Variants in CNTNAP3B observed in about 807,000 individuals in gnomAD.
CNTNAP3B encodes the protein contactin associated protein family member 3B.
A neutral mutation model predicts 108.9 loss-of-function variants in CNTNAP3B; 25 were observed. The observed-to-expected ratio is 0.23, with a 90% CI of 0.17 to 0.32. The LOEUF is 0.32. Among genes scored for constraint, CNTNAP3B ranks in the 10% least tolerant of loss-of-function variants. The pLI is 1.00. For missense variants in CNTNAP3B, 252 were observed against 1,210.4 expected, an observed-to-expected ratio of 0.21 and a Z score of 11.75; for synonymous variants, 103 against 473.4, an observed-to-expected ratio of 0.22 and a Z score of 10.16.
At chr9:41,966,845 T>C (rs1319556353) in intron 10 of CNTNAP3B, among the ~76,000 whole-genome samples, 1 of 150,352 alleles carries the variant, frequency 6.7e-6, no homozygotes, top group African/African-American at 2.5e-5. Flanking sequence ...CGGGCGCCTG[T>C]AGTTCCAGCT....
At chr9:41,947,533 G>A (rs1345821715) in intron 13 of CNTNAP3B, among the ~76,000 whole-genome samples, 1 of 152,150 alleles carries the variant, frequency 6.6e-6, no homozygotes, top group Admixed American at 6.6e-5. Flanking sequence ...GTGAAATGTA[G>A]GTAAAACTGT....
rs190574848 is a variant in CNTNAP3B, at chr9:42,113,906, C to T, written c.86-9167G>A. Among the ~76,000 whole-genome samples, 75 of 138,582 alleles carry T rather than the reference C, an allele frequency of 5.4e-4. 6 individuals are homozygous for T. The highest frequency in any genetic ancestry group is 2.0e-3 in the African/African-American group (69 of 34,946). 90.9% of individuals were successfully genotyped at this position (138,582 alleles called of 152,430 possible). A position where few individuals can be genotyped will look rare whatever the true frequency, so the allele number is the denominator to read the frequency against. The stretch of plus-strand genomic sequence containing the variant: ...CCTGTATCAAAACATCTCATGTAGA[C>T]CATCGATATATACACCTACTATGCA... On this transcript the variant is annotated intron_variant, in intron 1 of 23. Transcript: ENST00000377561.
At chr9:41,958,171 G>A (rs1754759020) in intron 12 of CNTNAP3B, among the ~76,000 whole-genome samples, 1 of 152,058 alleles carries the variant, frequency 6.6e-6, no homozygotes, top group Non-Finnish European at 1.5e-5. Context: ...GCAGTGGTGT[G>A]ACCATGGCTC....
At chr9:41,965,303 C>T (rs1187723900) in intron 10 of CNTNAP3B, among the ~76,000 whole-genome samples, 1 of 152,178 alleles carries the variant, frequency 6.6e-6, no homozygotes, top group Admixed American at 6.5e-5. Context: ...GGACCCTGAA[C>T]CAGCCAATGT....
At chr9:41,924,656 C>CAT (rs1351980892) in intron 15 of CNTNAP3B, among the ~76,000 whole-genome samples, 231 of 28,952 alleles carry the variant, frequency 8.0e-3, no homozygotes, top group African/African-American at 0.015. Context: ...CACACACACA[C>CAT]ACACACACAC....
At chr9:41,935,514 A>G (rs1411271744) in intron 14 of CNTNAP3B, among the ~76,000 whole-genome samples, 2 of 152,296 alleles carry the variant, frequency 1.3e-5, no homozygotes, top group Non-Finnish European at 2.9e-5. Flanking sequence ...AATTATTACA[A>G]TTATAAATCT....
chr9:41,945,316 C>CAT (rs1824496011), intron 13 of CNTNAP3B, among the ~76,000 whole-genome samples: 1 of 152,302 alleles, frequency 6.6e-6, no homozygotes, highest in Non-Finnish European at 1.5e-5. Context: ...CACATGCACA[C>CAT]ATATGTTTAC....
At chr9:41,951,506 A>C (rs1283398207) in intron 13 of CNTNAP3B, among the ~76,000 whole-genome samples, 4 of 151,992 alleles carry the variant, frequency 2.6e-5, no homozygotes, top group South Asian at 2.1e-4. Context: ...GAACTTATGT[A>C]AGATATCTCA....
chr9:41,959,568 G>A (rs1257934373), intron 12 of CNTNAP3B, among the ~76,000 whole-genome samples: 1 of 152,308 alleles, frequency 6.6e-6, no homozygotes, highest in African/African-American at 2.4e-5. Context: ...CCATTTTTAT[G>A]GGATTTCTCA....
chr9:41,950,359 T>TTGC (rs1296837829), intron 13 of CNTNAP3B, among the ~76,000 whole-genome samples: 1 of 134,938 alleles, frequency 7.4e-6, no homozygotes, highest in Admixed American at 7.9e-5. Context: ...AATTACCATA[T>TTGC]ATGACCCACC....
At chr9:41,920,981 C>A (rs1403837116) in intron 17 of CNTNAP3B, among the ~76,000 whole-genome samples, 12 of 152,288 alleles carry the variant, frequency 7.9e-5, no homozygotes, top group Admixed American at 4.6e-4. Flanking sequence ...GTTTACAACA[C>A]CTGTGTAGTG....
chr9:41,955,194 T>G (rs1274456874), intron 12 of CNTNAP3B, among the ~76,000 whole-genome samples: 1 of 147,628 alleles, frequency 6.8e-6, no homozygotes, highest in South Asian at 2.2e-4. Flanking sequence ...GTAGTTCACA[T>G]AGGCTGGTGG....
At chr9:41,922,457 CTCTG>C (rs1455715719) in intron 17 of CNTNAP3B, among the ~76,000 whole-genome samples, 1 of 141,038 alleles carries the variant, frequency 7.1e-6, no homozygotes, top group Non-Finnish European at 1.5e-5. Context: ...CACAGTGAGA[CTCTG>C]TCTGAAAACA....
intron 23 of CNTNAP3B, among the ~76,000 whole-genome samples, chr9:41,894,334 C>T (rs1435561727): frequency 2.8e-5 from 3 of 105,480 alleles, no homozygotes; most frequent in Non-Finnish European, 5.5e-5. Context: ...TGCTATGTTG[C>T]CCAGGCTGGT....
intron 13 of CNTNAP3B, among the ~76,000 whole-genome samples, chr9:41,941,960 G>T (rs1334242883): frequency 2.0e-5 from 3 of 152,272 alleles, no homozygotes; most frequent in Non-Finnish European, 2.9e-5. Context: ...AAACATTTTT[G>T]AAATAAGCGC....
intron 1 of CNTNAP3B, among the ~76,000 whole-genome samples, chr9:42,126,730 C>T (rs1828579323): frequency 7.4e-6 from 1 of 135,920 alleles, no homozygotes; most frequent in South Asian, 2.4e-4. Context: ...CCACCACGCC[C>T]GGCTAATTTT....
intron 3 of CNTNAP3B, among the ~76,000 whole-genome samples, chr9:42,042,190 C>T: frequency 8.1e-6 from 1 of 122,864 alleles, no homozygotes; most frequent in South Asian, 2.6e-4. Flanking sequence ...ATGTAACAAA[C>T]CTGCTACGTT....
chr9:41,954,269 G>T (rs1824789330), intron 12 of CNTNAP3B, among the ~76,000 whole-genome samples: 1 of 152,258 alleles, frequency 6.6e-6, no homozygotes, highest in Non-Finnish European at 1.5e-5. Context: ...ACAAAACAAT[G>T]TGATACATTT....
chr9:41,918,988 A>G (rs1327892893), intron 18 of CNTNAP3B, among the ~76,000 whole-genome samples: 2 of 152,146 alleles, frequency 1.3e-5, no homozygotes, highest in African/African-American at 4.8e-5. Flanking sequence ...TAAAAATAGT[A>G]AGTGTAACAG....
Sources: allele counts gnomAD v4.1 joint callset (sites outside exome capture counted in the v4.1 genomes callset), GRCh38; gene constraint gnomAD v4.1.1; transcripts MANE v1.5; gene names NCBI Gene and HGNC (gene_info 2026-07-23, HGNC 2026-07-21).